ZNF563: variants seen among roughly 807,000 people sequenced by gnomAD.
ZNF563 encodes zinc finger protein 563.
Under a neutral mutation model 48.5 loss-of-function variants are expected in ZNF563, and 39 were observed. That is an observed-to-expected ratio of 0.80 (90% CI 0.62 to 1.05). ZNF563 has a LOEUF of 1.05. ZNF563 is among the 50% of genes least tolerant of loss of function. The pLI, the probability that ZNF563 is intolerant of heterozygous loss-of-function variation, is 0.00. For missense variants in ZNF563, 538 were observed against 597.0 expected (o/e 0.90, Z 1.03); for synonymous variants, 168 against 187.9 (o/e 0.89, Z 0.87).
intron 1 of ZNF563, among the ~76,000 whole-genome samples, chr19:12,323,232 T>C (rs1482050629): frequency 6.6e-6 from 1 of 152,238 alleles, no homozygotes. Context: ...ACTCCTATGT[T>C]CTGAGAGTTT....
chr19:12,342,512 C>A, the ZNF563 span, among the ~76,000 whole-genome samples: 1 of 150,594 alleles, frequency 6.6e-6, no homozygotes, highest in African/African-American at 2.4e-5. Flanking sequence ...GTGCCTCAAA[C>A]CTGTAATCCC....
chr19:12,322,592 G>C lies in ZNF563; in HGVS notation c.123C>G (p.Asp41Glu). Residue 41 changes from aspartate to glutamate, a missense_variant, in exon 2 of 4, where the codon GAC (aspartate) becomes GAG (glutamate). Transcript: ENST00000293725. The part of the protein sequence containing the change: ...YVMQETIRNL[D>E]CIRMIWEEQN... ...ACATGGTATCATCCTTACTTATACA[G>C]TCCAGGTTCCTGATGGTTTCTTGCA... The C allele has an allele frequency of 6.2e-7, 1 of 1,600,692 alleles. No individual in the cohort carries two copies. Among genetic ancestry groups the C allele is most frequent in the South Asian group, 1.1e-5 (1 of 90,328 alleles).
intron 1 of ZNF563, among the ~76,000 whole-genome samples, chr19:12,328,485 G>A (rs1968845699): frequency 6.6e-6 from 1 of 152,154 alleles, no homozygotes; most frequent in Non-Finnish European, 1.5e-5. Context: ...TTAAAAAAGA[G>A]AAAAGAGCTG....
the ZNF563 span, among the ~76,000 whole-genome samples, chr19:12,343,320 G>A: frequency 3.8e-3 from 585 of 152,298 alleles, 13 homozygotes; most frequent in Admixed American, 0.037. Context: ...GACAAACTGG[G>A]TGTGGTGGTA....
upstream of ZNF563, chr19:12,333,658 G>T: frequency 2.2e-6 from 2 of 906,634 alleles, no homozygotes; most frequent in South Asian, 4.2e-5. Context: ...GCGCAGGGGC[G>T]TGAAGACGCC....
chr19:12,332,702 G>A (rs910329045), intron 1 of ZNF563, among the ~76,000 whole-genome samples: 2 of 152,096 alleles, frequency 1.3e-5, no homozygotes, highest in African/African-American at 4.8e-5. Context: ...GCTGACAGAG[G>A]AATGCAAGTT....
chr19:12,338,083 C>T (rs770034365), upstream of ZNF563, among the ~76,000 whole-genome samples: 1 of 151,966 alleles, frequency 6.6e-6, no homozygotes, highest in African/African-American at 2.4e-5. Flanking sequence ...GCTTTGGCAA[C>T]AGAGTGAGAC....
At chr19:12,322,755 T>C (rs777981222) in intron 1 of ZNF563, 44 bp from the exon 2 acceptor site, 4 of 1,532,512 alleles carry the variant, frequency 2.6e-6, no homozygotes, top group South Asian at 1.2e-5. Flanking sequence ...TGAGTGACAG[T>C]ACTGAAAAAA....
intron 1 of ZNF563, among the ~76,000 whole-genome samples, chr19:12,324,720 G>GAAAAAAAAAAAAA (rs61639995): frequency 1.8e-5 from 1 of 56,792 alleles, no homozygotes; most frequent in African/African-American, 6.0e-5. Context: ...TCCGTCTCAA[G>GAAAAAAAAAAAAA]AAAAAAAAAA....
At chr19:12,322,050 T>C (rs1176421893) in intron 2 of ZNF563, among the ~76,000 whole-genome samples, 2 of 151,998 alleles carry the variant, frequency 1.3e-5, no homozygotes, top group African/African-American at 4.8e-5. Flanking sequence ...TTTTTTTTAT[T>C]ATTTTATTTT....
At chr19:12,333,436 C>T (rs370507976) in intron 1 of ZNF563, 44 bp downstream of exon 1, 2 of 1,612,364 alleles carry the variant, frequency 1.2e-6, no homozygotes, top group African/African-American at 2.7e-5. Flanking sequence ...ACGGTTCCAA[C>T]CAGCTCTTTC....
At chr19:12,342,881 T>TTTA in the ZNF563 span, among the ~76,000 whole-genome samples, 1 of 151,924 alleles carries the variant, frequency 6.6e-6, no homozygotes, top group Non-Finnish European at 1.5e-5. Context: ...ATGGCAGTGC[T>TTTA]AAGAGAAAAT....
chr19:12,333,554 A>C lies in ZNF563; in HGVS notation c.-72T>G. 6.3e-7 allele frequency: 1 copy of C among 1,596,506 alleles called. No individual in the cohort carries two copies. Among genetic ancestry groups the C allele is most frequent in the South Asian group, 1.1e-5 (1 of 89,542 alleles). On this transcript the variant is annotated 5_prime_UTR_variant, in exon 1 of 4. Coordinates refer to ENST00000293725, the MANE Select transcript of ZNF563 (RefSeq NM_145276.3). ...GCCAGTGCGGGTCCCACTGTGACAG[A>C]GGCTGCCACAGACGTTCCAGGGCGT... is the stretch of plus-strand genomic sequence containing the variant.
chr19:12,333,371 C>A, intron 1 of ZNF563, 109 bp downstream of exon 1: 1 of 1,480,008 alleles, frequency 6.8e-7, no homozygotes, highest in South Asian at 1.2e-5. Flanking sequence ...GACTCGGGTC[C>A]CAGACCCCGG....
At chr19:12,329,655 TTTGATAAA>T (rs1968877260) in intron 1 of ZNF563, among the ~76,000 whole-genome samples, 1 of 152,044 alleles carries the variant, frequency 6.6e-6, no homozygotes, top group Admixed American at 6.6e-5. Context: ...TGCCCACATA[TTTGATAAA>T]TTACATGGAA....
chr19:12,334,306 A>G (rs1485773528), upstream of ZNF563, among the ~76,000 whole-genome samples: 1 of 152,140 alleles, frequency 6.6e-6, no homozygotes, highest in Non-Finnish European at 1.5e-5. Flanking sequence ...AAAAAAAAGC[A>G]AAAACTTGAA....
intron 1 of ZNF563, among the ~76,000 whole-genome samples, chr19:12,331,100 A>C (rs752166317): frequency 6.6e-6 from 1 of 152,248 alleles, no homozygotes; most frequent in Non-Finnish European, 1.5e-5. Flanking sequence ...AGATATATGT[A>C]ATTTGTTTTC....
At chr19:12,342,465 G>A in the ZNF563 span, among the ~76,000 whole-genome samples, 2 of 150,652 alleles carry the variant, frequency 1.3e-5, no homozygotes, top group Non-Finnish European at 2.9e-5. Context: ...ATGAGACTCT[G>A]TCTCAAAAAA....
chr19:12,323,765 TG>T (rs746495601), intron 1 of ZNF563, among the ~76,000 whole-genome samples: 1 of 152,206 alleles, frequency 6.6e-6, no homozygotes, highest in Admixed American at 6.5e-5. Context: ...AAATTTCACA[TG>T]TTTTTTTGCA....
Sources: gnomAD v4.1 joint callset for allele counts (sites outside exome capture counted in the v4.1 genomes callset) on GRCh38, gnomAD v4.1.1 for gene constraint, MANE v1.5 for transcripts, NCBI Gene and HGNC (gene_info 2026-07-23, HGNC 2026-07-21) for gene names.